Variants in CCDC178 observed in about 807,000 individuals in gnomAD.
CCDC178 encodes the protein coiled-coil domain-containing protein 178.
CCDC178 carries 126 observed loss-of-function variants against 117.4 expected under a neutral mutation model. The ratio of observed to expected loss-of-function variants is 1.07; its 90% CI spans 0.93 to 1.24. The LOEUF (loss-of-function observed/expected upper bound fraction) is 1.24. CCDC178 is among the 50% of genes most tolerant of loss of function. The pLI is 0.00. For missense variants in CCDC178, 1,030 were observed against 986.9 expected (o/e 1.04, Z -0.59); for synonymous variants, 283 against 313.4 (o/e 0.90, Z 1.02).
At chr18:32,990,086 T>C (rs2055357772) in intron 21 of CCDC178, among the ~76,000 whole-genome samples, 1 of 152,110 alleles carries the variant, frequency 6.6e-6, no homozygotes, top group South Asian at 2.1e-4. Context: ...GTAGGATATA[T>C]ACAGAGAAAA....
intron 3 of CCDC178, among the ~76,000 whole-genome samples, chr18:33,408,951 T>C (rs2063816822): frequency 6.6e-6 from 1 of 152,218 alleles, no homozygotes; most frequent in South Asian, 2.1e-4. Context: ...CATTTGTAAA[T>C]GTGACTCATC....
At chr18:33,078,267 T>A (rs1380139282) in intron 21 of CCDC178, among the ~76,000 whole-genome samples, 1 of 152,140 alleles carries the variant, frequency 6.6e-6, no homozygotes, top group Non-Finnish European at 1.5e-5. Context: ...AACTAGGTAT[T>A]GAAGGCACAC....
chr18:33,318,019 A>C (rs2062444323), intron 11 of CCDC178, among the ~76,000 whole-genome samples: 1 of 152,168 alleles, frequency 6.6e-6, no homozygotes. Flanking sequence ...TAGGAGGACA[A>C]AAATGAAGCA....
intron 20 of CCDC178, among the ~76,000 whole-genome samples, chr18:33,134,232 TA>T (rs1047342538): frequency 1.3e-5 from 2 of 152,014 alleles, no homozygotes; most frequent in African/African-American, 2.4e-5. Context: ...CATATGGTTA[TA>T]AAAATATTCA....
intron 5 of CCDC178, among the ~76,000 whole-genome samples, chr18:33,373,105 T>C (rs1002356324): frequency 6.6e-6 from 1 of 152,202 alleles, no homozygotes. Context: ...TAATCTTTTA[T>C]GGAAAACAAA....
chr18:32,973,174 T>A (rs879692560), intron 22 of CCDC178, among the ~76,000 whole-genome samples: 2 of 152,166 alleles, frequency 1.3e-5, no homozygotes, highest in African/African-American at 2.4e-5. Flanking sequence ...AGAATCACTT[T>A]ACTGATATTC....
chr18:33,099,551 G>A (rs1423270816), intron 20 of CCDC178, among the ~76,000 whole-genome samples: 1 of 151,942 alleles, frequency 6.6e-6, no homozygotes, highest in East Asian at 1.9e-4. Context: ...TTTATTCATG[G>A]GCATTAGTGT....
intron 20 of CCDC178, among the ~76,000 whole-genome samples, chr18:33,193,354 T>C (rs1450235259): frequency 6.7e-6 from 1 of 148,208 alleles, no homozygotes; most frequent in South Asian, 2.2e-4. Context: ...AGCAAGGATG[T>C]GGCAGAGGAA....
intron 21 of CCDC178, among the ~76,000 whole-genome samples, chr18:33,008,034 A>G (rs2055785838): frequency 6.6e-6 from 1 of 152,122 alleles, no homozygotes; most frequent in Non-Finnish European, 1.5e-5. Context: ...TTGTAACATT[A>G]TGTCAAACAT....
intron 21 of CCDC178, among the ~76,000 whole-genome samples, chr18:32,998,534 C>T (rs1261931764): frequency 6.6e-6 from 1 of 152,122 alleles, no homozygotes; most frequent in Admixed American, 6.5e-5. Flanking sequence ...CTTCCCCCAA[C>T]CCTAGGCAGC....
intron 20 of CCDC178, among the ~76,000 whole-genome samples, chr18:33,145,033 C>A (rs1010688043): frequency 6.6e-5 from 10 of 152,116 alleles, no homozygotes; most frequent in African/African-American, 2.4e-4. Flanking sequence ...TAGTCTTCCT[C>A]CTAGTGTTCA....
chr18:33,122,849 C>G (rs193230671), intron 20 of CCDC178, among the ~76,000 whole-genome samples: 1 of 152,198 alleles, frequency 6.6e-6, no homozygotes, highest in East Asian at 1.9e-4. Flanking sequence ...TCTGGGCAAG[C>G]CTCAGTGTTC....
intron 12 of CCDC178, among the ~76,000 whole-genome samples, chr18:33,284,237 C>T (rs1320999012): frequency 6.6e-6 from 1 of 152,036 alleles, no homozygotes; most frequent in African/African-American, 2.4e-5. Flanking sequence ...GGGAACAACA[C>T]ACATTGGGAC....
At chr18:33,194,624 CT>C (rs762459974) in intron 20 of CCDC178, among the ~76,000 whole-genome samples, 12 of 152,156 alleles carry the variant, frequency 7.9e-5, no homozygotes, top group African/African-American at 2.4e-4. Flanking sequence ...CTTCCCATCA[CT>C]TTTTTTATGT....
Position 33,224,896 on chromosome 18 carries a change from C to G in CCDC178, c.1697G>C (p.Arg566Pro), listed in dbSNP as rs112779048. Reference protein sequence around the residue: ...YSIYEVQALERKELIKNRAIC... With the variant: ...YSIYEVQALEPKELIKNRAIC... ...TGCTCTATTTTTTATAAGCTCTTTC[C>G]GCTCAAGTGCCTGGACTTCGTAAAT... Residue 566 changes from arginine (R) to proline (P), a missense_variant, in exon 17 of 23, where the codon CGG becomes CCG. By Grantham distance (103) the Arg-to-Pro change is moderately radical. Transcript: ENST00000383096. 2 of 1,551,076 alleles carry G rather than the reference C, an allele frequency of 1.3e-6. No individual in the cohort carries two copies. Among genetic ancestry groups the G allele is most frequent in the Admixed American group, 1.9e-5 (1 of 51,750 alleles).
At chr18:33,042,763 T>A (rs930011073) in intron 21 of CCDC178, among the ~76,000 whole-genome samples, 1 of 151,956 alleles carries the variant, frequency 6.6e-6, no homozygotes, top group Non-Finnish European at 1.5e-5. Context: ...AAAACTAGCT[T>A]GAGAAAAATA....
intron 20 of CCDC178, among the ~76,000 whole-genome samples, chr18:33,155,684 C>G (rs965856614): frequency 6.6e-6 from 1 of 152,070 alleles, no homozygotes; most frequent in African/African-American, 2.4e-5. Context: ...TTCGGACCTA[C>G]TTGATGGTTG....
chr18:33,078,997 G>A (rs1204273632), intron 21 of CCDC178, among the ~76,000 whole-genome samples: 4 of 152,094 alleles, frequency 2.6e-5, no homozygotes, highest in Non-Finnish European at 5.9e-5. Flanking sequence ...GAACAAAGGT[G>A]GAGGCATCAC....
intron 20 of CCDC178, among the ~76,000 whole-genome samples, chr18:33,186,349 G>C (rs1225696069): frequency 6.6e-6 from 1 of 151,990 alleles, no homozygotes; most frequent in Non-Finnish European, 1.5e-5. Flanking sequence ...AGCACTCTTA[G>C]CAGTTGTATA....
Sources: allele counts gnomAD v4.1 joint callset (sites outside exome capture counted in the v4.1 genomes callset), GRCh38; gene constraint gnomAD v4.1.1; transcripts MANE v1.5; gene names NCBI Gene and HGNC (gene_info 2026-07-23, HGNC 2026-07-21).